Variants in ZNF831 observed in about 807,000 individuals in gnomAD.
ZNF831 encodes the protein chromosome 20 open reading frame 174.
A neutral mutation model predicts 95.8 loss-of-function variants in ZNF831; 59 were observed. That is an observed-to-expected ratio of 0.62 (90% CI 0.50 to 0.77). ZNF831 has a LOEUF of 0.77. Among genes scored for constraint, ZNF831 ranks in the 30% least tolerant of loss-of-function variants. ZNF831 has a pLI of 0.00. For missense variants in ZNF831, 2,205 were observed against 2,164.0 expected (o/e 1.02, Z -0.38); for synonymous variants, 961 against 925.5 (o/e 1.04, Z -0.70).
At chr20:59,187,152 G>C (rs780415172) in intron 1 of ZNF831, among the ~76,000 whole-genome samples, 4 of 152,138 alleles carry the variant, frequency 2.6e-5, no homozygotes, top group Non-Finnish European at 5.9e-5. Context: ...AATGGAAGAT[G>C]CCATAGAATC....
intron 2 of ZNF831, among the ~76,000 whole-genome samples, chr20:59,149,280 C>G (rs991675138): frequency 6.6e-6 from 1 of 152,134 alleles, no homozygotes; most frequent in Admixed American, 6.5e-5. Context: ...ATAAGCCAGA[C>G]GAGATGAAGG....
At chr20:59,211,470 C>T (rs1341062013) in intron 4 of ZNF831, among the ~76,000 whole-genome samples, 1 of 152,178 alleles carries the variant, frequency 6.6e-6, no homozygotes, top group African/African-American at 2.4e-5. Flanking sequence ...AACCAGCAAG[C>T]TGGGGTTGAC....
intron 1 of ZNF831, among the ~76,000 whole-genome samples, chr20:59,168,213 A>G (rs1981438303): frequency 6.6e-6 from 1 of 152,234 alleles, no homozygotes; most frequent in South Asian, 2.1e-4. Context: ...TGAATCTTCC[A>G]ATGCATGAAC....
rs753171906 is a variant in ZNF831 at position 59,254,684 on chromosome 20, C to G, written c.4975C>G (p.Arg1659Gly). The change falls in exon 6 of 6, where the codon CGA becomes GGA. Residue 1659 changes from arginine (R) to glycine (G), a missense_variant. Physicochemically the swap from Arg to Gly is moderately radical, Grantham distance 125. Coordinates refer to ENST00000371030, the MANE Select transcript of ZNF831 (RefSeq NM_178457.3). The surrounding 1 kb of genome is among the most constrained non-coding windows in gnomAD (Gnocchi z 4.5). ...RSLEGMRKQT[R>G]VEFSDTSSDD... ...TCTGGAAGGAATGAGAAAGCAAACT[C>G]GAGTAGAGTTCAGTGACACCAGCAG... 43 of 1,613,908 alleles carry G rather than the reference C, an allele frequency of 2.7e-5. No homozygotes were observed. The highest frequency in any genetic ancestry group is 3.5e-5 in the Non-Finnish European group (41 of 1,180,018).
At chr20:59,149,031 A>T (rs1311928758) in intron 2 of ZNF831, among the ~76,000 whole-genome samples, 3 of 152,154 alleles carry the variant, frequency 2.0e-5, no homozygotes, top group Admixed American at 6.5e-5. Flanking sequence ...TGGTGTCTCC[A>T]TTGGTAACGA....
chr20:59,210,536 C>A (rs975927762), intron 4 of ZNF831, among the ~76,000 whole-genome samples: 1 of 152,208 alleles, frequency 6.6e-6, no homozygotes, highest in Non-Finnish European at 1.5e-5. Flanking sequence ...CAGTTCCCAA[C>A]GTGTTCCATG....
intron 1 of ZNF831, among the ~76,000 whole-genome samples, chr20:59,124,665 A>AC (rs755166490): frequency 1.7e-4 from 26 of 152,186 alleles, no homozygotes; most frequent in Non-Finnish European, 2.6e-4. Flanking sequence ...ACGCAAGGGA[A>AC]CACAGAGCTT....
In ZNF831 at chr20:59,254,034, A is replaced by G. The variant is rs539027226; in HGVS notation, c.4325A>G (p.Asp1442Gly). The G allele has an allele frequency of 6.2e-7, 1 of 1,613,944 alleles. No homozygotes were observed. Among genetic ancestry groups the G allele is most frequent in the South Asian group, 1.1e-5 (1 of 91,062 alleles). Reference sequence around the variant, plus strand: ...CCTCTACCCCCTGGCAAAGGTCTTGACCTTGGGTTGCTGGAGACTCAGCTG... The same window carrying G: ...CCTCTACCCCCTGGCAAAGGTCTTGGCCTTGGGTTGCTGGAGACTCAGCTG... ...DVPLPPGKGL[D>G]LGLLETQLLA... The change falls in exon 6 of 6, where the codon GAC becomes GGC. Residue 1442 changes from aspartate (D) to glycine (G), a missense_variant. Coordinates refer to ENST00000371030, the MANE Select transcript of ZNF831 (RefSeq NM_178457.3). The surrounding 1 kb of genome is among the most constrained non-coding windows in gnomAD (Gnocchi z 4.5).
At chr20:59,149,743 C>T (rs779918139) in intron 2 of ZNF831, among the ~76,000 whole-genome samples, 1 of 152,216 alleles carries the variant, frequency 6.6e-6, no homozygotes, top group Non-Finnish European at 1.5e-5. Flanking sequence ...GATGTTGACA[C>T]TGTGTGGATG....
intron 1 of ZNF831, among the ~76,000 whole-genome samples, chr20:59,127,806 G>T (rs1166866081): frequency 6.6e-6 from 1 of 152,222 alleles, no homozygotes; most frequent in African/African-American, 2.4e-5. Context: ...AAGTATGCCT[G>T]CCCGTGGAAC....
chr20:59,177,227 C>T (rs915233326), intron 1 of ZNF831, among the ~76,000 whole-genome samples: 3 of 152,222 alleles, frequency 2.0e-5, no homozygotes, highest in African/African-American at 7.2e-5. Context: ...CATGGCATCC[C>T]TAGTATCCAT....
At chr20:59,213,456 G>A (rs1985477135) in intron 4 of ZNF831, among the ~76,000 whole-genome samples, 1 of 152,176 alleles carries the variant, frequency 6.6e-6, no homozygotes, top group Non-Finnish European at 1.5e-5. Flanking sequence ...TTCCCCTGTA[G>A]CAATGATCTC....
At chr20:59,240,040 G>A (rs1987234351) in intron 4 of ZNF831, among the ~76,000 whole-genome samples, 1 of 152,134 alleles carries the variant, frequency 6.6e-6, no homozygotes. Flanking sequence ...AAGTGGAAGC[G>A]TGGAAGACTC....
At chr20:59,200,326 T>C (rs929568955) in intron 3 of ZNF831, among the ~76,000 whole-genome samples, 1 of 152,168 alleles carries the variant, frequency 6.6e-6, no homozygotes, top group Non-Finnish European at 1.5e-5. Context: ...ACTGAAATAA[T>C]ATATATTAGT....
chr20:59,253,911 CT>C lies in ZNF831; in HGVS notation c.4203del (p.Ala1402LeufsTer98). 7.5e-7 allele frequency: 1 copy of C among 1,336,252 alleles called. No individual in the cohort carries two copies. Among genetic ancestry groups the C allele is most frequent in the Non-Finnish European group, 1.0e-6 (1 of 1,002,940 alleles). 82.8% of individuals were successfully genotyped at this position (1,336,252 alleles called of 1,614,324 possible). ...ACTTTGTTGCAGGATATTTCTCCATCTGCTGGTGAGCATGGTGACTGTACTA... is the reference window on the plus strand; with the variant it reads ...ACTTTGTTGCAGGATATTTCTCCATCGCTGGTGAGCATGGTGACTGTACTA... ...DKRTVKDISP[S>X]AGEHGDCTTH... is the part of the protein sequence containing the mutation. On this transcript the variant is annotated frameshift_variant, in exon 6 of 6. Coordinates refer to ENST00000371030, the MANE Select transcript of ZNF831 (RefSeq NM_178457.3). LOFTEE classifies it low-confidence loss of function (END_TRUNC).
chr20:59,187,906 A>G (rs894269204), intron 1 of ZNF831, among the ~76,000 whole-genome samples: 3 of 152,156 alleles, frequency 2.0e-5, no homozygotes, highest in Admixed American at 6.5e-5. Flanking sequence ...AACACGTGAT[A>G]TTTTGTGTCT....
chr20:59,211,065 A>AC (rs1555831091), intron 4 of ZNF831, among the ~76,000 whole-genome samples: 1 of 77,548 alleles, frequency 1.3e-5, no homozygotes, highest in African/African-American at 8.0e-5. Context: ...AAAAAAAAAA[A>AC]CAAATCCAAG....
At chr20:59,241,167 C>G (rs1436915029) in intron 4 of ZNF831, among the ~76,000 whole-genome samples, 1 of 152,172 alleles carries the variant, frequency 6.6e-6, no homozygotes, top group Admixed American at 6.5e-5. Context: ...TCCTCCATTC[C>G]TCTTTGCTAC....
chr20:59,200,060 A>G (rs1169787179), intron 3 of ZNF831, among the ~76,000 whole-genome samples: 1 of 152,216 alleles, frequency 6.6e-6, no homozygotes, highest in Non-Finnish European at 1.5e-5. Flanking sequence ...TTTGTGGTAA[A>G]GAAAGCCAGC....
Sources: gnomAD v4.1 joint callset for allele counts (sites outside exome capture counted in the v4.1 genomes callset) on GRCh38, gnomAD v4.1.1 for gene constraint, Gnocchi (gnomAD v3.1) non-coding constraint, MANE v1.5 for transcripts, NCBI Gene and HGNC (gene_info 2026-07-23, HGNC 2026-07-21) for gene names.